The following PKHD1 variants were observed in gnomAD, a reference collection of about 807,000 sequenced individuals.
The protein encoded by PKHD1 is PKHD1 ciliary IPT domain containing fibrocystin/polyductin.
In PKHD1, 291 loss-of-function variants were observed where a neutral mutation model predicts 412.0. The observed-to-expected ratio is 0.71, with a 90% CI of 0.64 to 0.78. The LOEUF (loss-of-function observed/expected upper bound fraction) is 0.78, where lower values mean the gene tolerates loss of function less well. Ranked by LOEUF, PKHD1 falls within the 30% of genes least tolerant of loss-of-function variation. PKHD1 has a pLI of 0.00. For missense variants in PKHD1, 4,825 were observed against 4,950.7 expected (o/e 0.97, Z 0.76); for synonymous variants, 1,777 against 1,821.5 (o/e 0.98, Z 0.62).
rs1451590670 is a variant in PKHD1 at position 52,065,166 on chromosome 6, TATAGAG to T, written c.881-122_881-117del. On this transcript the variant is annotated intron_variant, in intron 12 of 66. Transcript: ENST00000371117. The stretch of plus-strand genomic sequence containing the variant: ...ATATATATATATATATATATATATA[TATAGAG>T]AGAGAGAGAGAGAGAGAGAGAGAGA... 173 of 49,944 alleles carry T rather than the reference TATAGAG, an allele frequency of 3.5e-3. 1 individual carries two copies. The highest frequency in any genetic ancestry group is 7.8e-3 in the South Asian group (9 of 1,152). 3.1% of individuals were successfully genotyped at this position (49,944 alleles called of 1,614,324 possible).
At position 51,615,688 on chromosome 6, in the gene PKHD1, G is replaced by A. The variant is rs2784198; in HGVS notation, c.*3393C>T. 6.6e-6 allele frequency: 1 copy of A among 152,006 alleles called. No individual in the cohort carries two copies. Among genetic ancestry groups the A allele is most frequent in the Non-Finnish European group, 1.5e-5 (1 of 67,996 alleles). The allele number at this position is 152,006 out of a possible 1,614,324, so 9.4% of individuals were successfully genotyped here. ...TACTCATTTTTGCATATAGTTTGCA[G>A]GCATTTCAATGTATAGTAATTTCAT... On this transcript the variant is annotated 3_prime_UTR_variant, in exon 67 of 67. Coordinates refer to ENST00000371117, the MANE Select transcript of PKHD1 (RefSeq NM_138694.4).
chr6:52,062,098 G>A (rs927246935), intron 14 of PKHD1, among the ~76,000 whole-genome samples: 2 of 152,186 alleles, frequency 1.3e-5, no homozygotes, highest in African/African-American at 2.4e-5. Flanking sequence ...CTGGAAGGCT[G>A]TTCCTACAGC....
intron 60 of PKHD1, among the ~76,000 whole-genome samples, chr6:51,739,115 AT>A (rs199591072): frequency 0.016 from 2,413 of 146,386 alleles, 61 homozygotes; most frequent in African/African-American, 0.055. Context: ...ATATTTATAT[AT>A]TTTTTTACAT....
rs1203260419 is a variant in PKHD1 at position 52,046,072 on chromosome 6, T to C, written c.2524A>G (p.Thr842Ala). ...AAGGTCCACACGTGTTCGTAGCAAG[T>C]GTATAGATCCTCCTTCACAGTGAAG... ...SDFTVKEDLY[T>A]CYEHVWTLSW... Residue 842 changes from threonine to alanine, a missense_variant, in exon 24 of 67, where the codon ACT becomes GCT. By Grantham distance (58) the Thr-to-Ala change is moderately conservative. Coordinates refer to ENST00000371117, the MANE Select transcript of PKHD1 (RefSeq NM_138694.4). 3 of 1,613,750 alleles carry C rather than the reference T, an allele frequency of 1.9e-6. No homozygotes were observed. Among genetic ancestry groups the C allele is most frequent in the Non-Finnish European group, 2.5e-6 (3 of 1,179,772 alleles).
intron 53 of PKHD1, among the ~76,000 whole-genome samples, chr6:51,780,720 T>C (rs1243374348): frequency 1.3e-5 from 2 of 152,172 alleles, no homozygotes; most frequent in Non-Finnish European, 2.9e-5. Flanking sequence ...ATAAAATTTG[T>C]TGTATATGTG....
intron 66 of PKHD1, among the ~76,000 whole-genome samples, chr6:51,625,949 A>G (rs1767173229): frequency 6.6e-6 from 1 of 151,938 alleles, no homozygotes; most frequent in African/African-American, 2.4e-5. Context: ...TCCCAACCAC[A>G]CCCCCATACC....
chr6:51,912,635 A>T (rs1274470455), intron 37 of PKHD1, 59 bp from the exon 38 acceptor site: 2 of 1,125,154 alleles, frequency 1.8e-6, no homozygotes, highest in African/African-American at 3.1e-5. Flanking sequence ...AAACGTGATT[A>T]ATTTAATCAT....
At chr6:51,910,955 C>G (rs1209789896) in intron 39 of PKHD1, among the ~76,000 whole-genome samples, 1 of 152,068 alleles carries the variant, frequency 6.6e-6, no homozygotes, top group Non-Finnish European at 1.5e-5. Context: ...CTCCCTTTGA[C>G]CTTTCTTCCA....
chr6:51,680,018 A>T lies in PKHD1; in HGVS notation c.10157-20049T>A, dbSNP rs115269387. On this transcript the variant is annotated intron_variant, in intron 60 of 66. Transcript: ENST00000371117. ...AAATAACTTGGCCTCATTGCATCTCAGTTTTCTCCTTTGCAAAGTAGGAAT... is the reference window on the plus strand; with the variant it reads ...AAATAACTTGGCCTCATTGCATCTCTGTTTTCTCCTTTGCAAAGTAGGAAT... Among the ~76,000 whole-genome samples, 982 of 152,098 alleles carry T rather than the reference A, an allele frequency of 6.5e-3. 7 individuals are homozygous for T. The highest frequency in any genetic ancestry group is 0.01 in the Non-Finnish European group (688 of 67,966).
intron 60 of PKHD1, among the ~76,000 whole-genome samples, chr6:51,685,692 C>G (rs368732389): frequency 2.0e-5 from 3 of 152,250 alleles, no homozygotes; most frequent in African/African-American, 7.2e-5. Flanking sequence ...CTGCACTTCA[C>G]TTTACTATTT....
chr6:52,083,135 G>A, intron 3 of PKHD1, 43 bp downstream of exon 3: 1 of 1,233,448 alleles, frequency 8.1e-7, no homozygotes, highest in African/African-American at 1.5e-5. Context: ...AGGATTGTGG[G>A]TCAATACATA....
chr6:51,971,440 C>A (rs1368889538), intron 35 of PKHD1, among the ~76,000 whole-genome samples: 1 of 152,146 alleles, frequency 6.6e-6, no homozygotes, highest in Non-Finnish European at 1.5e-5. Flanking sequence ...CATAAACTCT[C>A]CTCACACAGG....
intron 35 of PKHD1, among the ~76,000 whole-genome samples, chr6:52,009,077 G>C (rs145221207): frequency 6.6e-6 from 1 of 152,294 alleles, no homozygotes; most frequent in Non-Finnish European, 1.5e-5. Flanking sequence ...AGAAACAGGC[G>C]CAGAATAAAG....
intron 47 of PKHD1, among the ~76,000 whole-genome samples, chr6:51,869,395 T>C (rs1775610072): frequency 6.6e-6 from 1 of 152,170 alleles, no homozygotes. Context: ...TTGAGTCCTC[T>C]ATTACTGCGT....
chr6:51,800,125 C>G (rs1055200829), intron 52 of PKHD1, among the ~76,000 whole-genome samples: 4 of 152,178 alleles, frequency 2.6e-5, no homozygotes, highest in Non-Finnish European at 5.9e-5. Flanking sequence ...GCTTTTCCCC[C>G]CAAAGGGGCT....
At chr6:51,881,325 TCA>T (rs555426661) in intron 46 of PKHD1, among the ~76,000 whole-genome samples, 146 of 152,280 alleles carry the variant, frequency 9.6e-4, no homozygotes, top group Non-Finnish European at 1.5e-3. Context: ...ATCTATTATC[TCA>T]CAGTTACTTT....
chr6:51,787,701 G>C (rs1226962554), intron 53 of PKHD1, among the ~76,000 whole-genome samples: 1 of 152,164 alleles, frequency 6.6e-6, no homozygotes, highest in Non-Finnish European at 1.5e-5. Context: ...AAATAGAATT[G>C]GGAATGGAGA....
At chr6:51,755,939 T>A (rs1786931822) in intron 55 of PKHD1, among the ~76,000 whole-genome samples, 1 of 151,270 alleles carries the variant, frequency 6.6e-6, no homozygotes, top group Admixed American at 6.6e-5. Context: ...CTTTAAAGAG[T>A]CTACTGTATG....
At chr6:51,660,972 T>A (rs1219093890) in intron 60 of PKHD1, among the ~76,000 whole-genome samples, 2 of 152,112 alleles carry the variant, frequency 1.3e-5, no homozygotes, top group African/African-American at 4.8e-5. Flanking sequence ...TCTAGTCACG[T>A]GATTGGTTCC....
Sources: allele counts gnomAD v4.1 joint callset (sites outside exome capture counted in the v4.1 genomes callset), GRCh38; gene constraint gnomAD v4.1.1; transcripts MANE v1.5; gene names NCBI Gene and HGNC (gene_info 2026-07-23, HGNC 2026-07-21).